Variants in M1AP observed in about 807,000 individuals in gnomAD.
M1AP encodes the protein meiosis 1 associated protein, also known as meiosis 1 arrest protein.
A neutral mutation model predicts 51.2 loss-of-function variants in M1AP; 39 were observed. The ratio of observed to expected loss-of-function variants is 0.76; its 90% CI spans 0.59 to 1.00. M1AP has a LOEUF of 1.00. M1AP is among the 50% of genes least tolerant of loss of function. The probability of loss-of-function intolerance (pLI) is 0.00; values close to 1 mark genes in which losing one functional copy is unlikely to be tolerated. For missense variants in M1AP, 545 were observed against 641.2 expected (o/e 0.85, Z 1.62); for synonymous variants, 251 against 249.2 (o/e 1.01, Z -0.07).
At chr2:74,575,263 T>C in intron 7 of M1AP, 175 bp downstream of exon 7, 1 of 981,312 alleles carries the variant, frequency 1.0e-6, no homozygotes, top group Non-Finnish European at 1.2e-6. Context: ...CTCTATAGCA[T>C]GAAACCAACA....
chr2:74,607,572 C>T (rs1054114930), intron 3 of M1AP, among the ~76,000 whole-genome samples: 1 of 152,160 alleles, frequency 6.6e-6, no homozygotes, highest in African/African-American at 2.4e-5. Flanking sequence ...CTTCCGGGGT[C>T]AAGTGATTCT....
Position 74,615,082 on chromosome 2 carries a change from C to T in M1AP, c.308G>A (p.Gly103Glu), listed in dbSNP as rs771787948. The part of the protein sequence containing the change: ...ISELRMLQRE[G>E]CFRSQGASLR... ...AGAAGCACCTTGTGATCTGAAACAC[C>T]CTTCTCTCTGTAACATGCGGAGTTC... The change falls in exon 3 of 11, where the codon GGG becomes GAG. Residue 103 changes from glycine (G) to glutamate (E), a missense_variant. Gly to Glu is a moderately conservative substitution (Grantham distance 98). Transcript: ENST00000421985. 6.2e-7 allele frequency: 1 copy of T among 1,614,170 alleles called. No individual in the cohort carries two copies. The highest frequency in any genetic ancestry group is 1.7e-5 in the Admixed American group (1 of 60,016).
At chr2:74,621,627 T>A (rs1388386292) in intron 2 of M1AP, among the ~76,000 whole-genome samples, 14 of 143,032 alleles carry the variant, frequency 9.8e-5, no homozygotes, top group African/African-American at 3.1e-4. Flanking sequence ...CTACAAAAAA[T>A]AATAATAATA....
intron 3 of M1AP, 133 bp downstream of exon 3, chr2:74,614,831 G>A: frequency 1.4e-6 from 1 of 731,660 alleles, no homozygotes; most frequent in Admixed American, 2.6e-5. Flanking sequence ...TGCCTGTAGG[G>A]AGCTGAAAAT....
chr2:74,644,907 T>G (rs1346944054), intron 1 of M1AP, among the ~76,000 whole-genome samples: 1 of 152,182 alleles, frequency 6.6e-6, no homozygotes, highest in Non-Finnish European at 1.5e-5. Flanking sequence ...TAATGTATAA[T>G]TAAATTTAAT....
intron 3 of M1AP, among the ~76,000 whole-genome samples, chr2:74,607,651 A>AT (rs920851125): frequency 6.6e-6 from 1 of 151,614 alleles, no homozygotes; most frequent in Non-Finnish European, 1.5e-5. Flanking sequence ...TTTTTTTTGT[A>AT]TTTTTAGTAG....
At chr2:74,575,660 T>A in intron 6 of M1AP, 81 bp from the exon 7 acceptor site, 1 of 1,091,196 alleles carries the variant, frequency 9.2e-7, no homozygotes, top group South Asian at 1.4e-5. Flanking sequence ...TCAGCTTAAC[T>A]CTAAGACAGT....
intron 4 of M1AP, among the ~76,000 whole-genome samples, chr2:74,597,700 A>G (rs896084135): frequency 6.6e-6 from 1 of 152,218 alleles, no homozygotes; most frequent in African/African-American, 2.4e-5. Context: ...TGACTGAGAG[A>G]TGTAGACTAG....
At chr2:74,606,431 G>T (rs1681003163) in intron 4 of M1AP, among the ~76,000 whole-genome samples, 1 of 151,950 alleles carries the variant, frequency 6.6e-6, no homozygotes, top group Non-Finnish European at 1.5e-5. Flanking sequence ...ACAAATTATG[G>T]TAAAACAACA....
At chr2:74,560,507 A>G (rs1054115346) in intron 8 of M1AP, among the ~76,000 whole-genome samples, 1 of 152,114 alleles carries the variant, frequency 6.6e-6, no homozygotes, top group Non-Finnish European at 1.5e-5. Flanking sequence ...AGTAGGAACA[A>G]CCCTAAGTGG....
chr2:74,617,900 T>C (rs1681765577), intron 2 of M1AP, among the ~76,000 whole-genome samples: 1 of 152,240 alleles, frequency 6.6e-6, no homozygotes, highest in East Asian at 1.9e-4. Flanking sequence ...ATCTGCAAAC[T>C]GACTGCTTAG....
intron 2 of M1AP, among the ~76,000 whole-genome samples, chr2:74,634,592 C>T (rs1558696930): frequency 6.6e-6 from 1 of 152,134 alleles, no homozygotes; most frequent in Non-Finnish European, 1.5e-5. Context: ...ACTTCTAGTA[C>T]TATGCTGAGG....
At chr2:74,641,948 C>T (rs555969747) in intron 1 of M1AP, among the ~76,000 whole-genome samples, 48 of 151,528 alleles carry the variant, frequency 3.2e-4, no homozygotes, top group African/African-American at 1.1e-3. Context: ...CGGGTTCAAG[C>T]GATTCTCCTG....
At chr2:74,643,570 C>A (rs1051090771) in intron 1 of M1AP, among the ~76,000 whole-genome samples, 1 of 150,932 alleles carries the variant, frequency 6.6e-6, no homozygotes, top group East Asian at 1.9e-4. Context: ...AGAAGGGGGT[C>A]CTGGGGTGTT....
At chr2:74,635,451 T>C (rs1682940327) in intron 2 of M1AP, among the ~76,000 whole-genome samples, 2 of 152,202 alleles carry the variant, frequency 1.3e-5, no homozygotes, top group Middle Eastern at 6.8e-3. Context: ...TCATTGATCT[T>C]CTCTATTTTC....
At chr2:74,561,127 A>AGGAGG (rs1677928690) in intron 8 of M1AP, among the ~76,000 whole-genome samples, 1 of 22,372 alleles carries the variant, frequency 4.5e-5, no homozygotes, top group Non-Finnish European at 8.9e-5. Flanking sequence ...GGAGGAGGAG[A>AGGAGG]AGGAGGAGGA....
intron 1 of M1AP, among the ~76,000 whole-genome samples, 197 bp from the exon 2 acceptor site, chr2:74,640,524 G>A (rs1291652846): frequency 2.7e-5 from 4 of 149,616 alleles, no homozygotes; most frequent in Admixed American, 2.0e-4. Flanking sequence ...GCAGTGGTGC[G>A]ATCTTGGCTC....
At position 74,581,852 on chromosome 2, in the gene M1AP, A is replaced by G. The variant is rs764827852; in HGVS notation, c.596-5T>C. 6.2e-6 allele frequency: 10 copies of G among 1,607,202 alleles called. No individual in the cohort carries two copies. Among genetic ancestry groups the G allele is most frequent in the Non-Finnish European group, 8.5e-6 (10 of 1,175,428 alleles). ...CAGTTCCCAGAATAGAACTCTCTGC[A>G]AAAGAAAGGGAAATAAAGTGTTCAC... On this transcript the variant is annotated splice_polypyrimidine_tract_variant and splice_region_variant and intron_variant, in intron 4 of 10. Transcript: ENST00000421985.
At chr2:74,646,499 C>A (rs760729972) in intron 1 of M1AP, among the ~76,000 whole-genome samples, 11 of 151,842 alleles carry the variant, frequency 7.2e-5, no homozygotes, top group Non-Finnish European at 1.0e-4. Flanking sequence ...ACAGAAAGGG[C>A]CACTGGCAAA....
Sources: gnomAD v4.1 joint callset for allele counts (sites outside exome capture counted in the v4.1 genomes callset) on GRCh38, gnomAD v4.1.1 for gene constraint, MANE v1.5 for transcripts, NCBI Gene and HGNC (gene_info 2026-07-23, HGNC 2026-07-21) for gene names.